METTL5: variants seen among roughly 807,000 people sequenced by gnomAD.
METTL5 encodes the protein methyltransferase 5, N6-adenosine.
Under a neutral mutation model 26.5 loss-of-function variants are expected in METTL5, and 28 were observed. That is an observed-to-expected ratio of 1.06 (90% CI 0.78 to 1.45). The LOEUF is 1.45. Ranked by LOEUF, METTL5 falls within the 40% of genes most tolerant of loss-of-function variation. The probability of loss-of-function intolerance (pLI) is 0.00; values close to 1 mark genes in which losing one functional copy is unlikely to be tolerated. For missense variants in METTL5, 231 were observed against 249.9 expected (o/e 0.92, Z 0.51); for synonymous variants, 86 against 82.6 (o/e 1.04, Z -0.22).
At chr2:169,818,887 C>T (rs1029809033) in intron 4 of METTL5, among the ~76,000 whole-genome samples, 2 of 152,120 alleles carry the variant, frequency 1.3e-5, no homozygotes, top group Non-Finnish European at 1.5e-5. Flanking sequence ...ACTTAGAGTA[C>T]AGGTGAGGAT....
chr2:169,821,558 G>C (rs149418795), intron 2 of METTL5, among the ~76,000 whole-genome samples: 25 of 152,032 alleles, frequency 1.6e-4, no homozygotes, highest in African/African-American at 5.5e-4. Flanking sequence ...GCTAATTTTT[G>C]TATTTTTTGT....
chr2:169,814,914 A>T (rs1690095340), intron 5 of METTL5, among the ~76,000 whole-genome samples: 1 of 144,774 alleles, frequency 6.9e-6, no homozygotes, highest in Non-Finnish European at 1.5e-5. Context: ...TTTTTTTGAG[A>T]CTGAGTCTCC....
chr2:169,821,383 G>A, intron 2 of METTL5, 110 bp from the exon 3 acceptor site: 1 of 770,286 alleles, frequency 1.3e-6, no homozygotes, highest in Non-Finnish European at 2.0e-6. Flanking sequence ...AACCCAATTA[G>A]CAAAGTAAGA....
At chr2:169,822,110 A>G in intron 1 of METTL5, 53 bp from the exon 2 acceptor site, 4 of 1,564,016 alleles carry the variant, frequency 2.6e-6, no homozygotes, top group Non-Finnish European at 2.6e-6. Flanking sequence ...CTAAAATCTA[A>G]TTTGTGCAAA....
At position 169,819,554 on chromosome 2, in the gene METTL5, AACTT is replaced by A. The variant is rs2081555979; in HGVS notation, c.489+3_489+6del. On this transcript the variant is annotated splice_donor_5th_base_variant and intron_variant, in intron 4 of 6. Transcript: ENST00000260953. ...ATGCCACAGAATATCAGATGATTTG[AACTT>A]ACTTCTCTAGTTGAGGATTTGTGTA... 6.3e-7 allele frequency: 1 copy of A among 1,595,528 alleles called. No homozygotes were observed. The highest frequency in any genetic ancestry group is 1.1e-5 in the South Asian group (1 of 90,062).
intron 4 of METTL5, among the ~76,000 whole-genome samples, chr2:169,816,172 T>C (rs1210686653): frequency 1.3e-5 from 2 of 152,234 alleles, no homozygotes; most frequent in Non-Finnish European, 2.9e-5. Context: ...CATTATTTCA[T>C]TGATATATAC....
At chr2:169,817,176 T>C (rs2081520595) in intron 4 of METTL5, among the ~76,000 whole-genome samples, 1 of 151,764 alleles carries the variant, frequency 6.6e-6, no homozygotes. Flanking sequence ...AACAGACATA[T>C]GAAAAAATGC....
chr2:169,820,453 C>A (rs1478292514), intron 3 of METTL5, among the ~76,000 whole-genome samples: 1 of 152,142 alleles, frequency 6.6e-6, no homozygotes, highest in Non-Finnish European at 1.5e-5. Context: ...AAGGGTTAGG[C>A]AAATTATTCC....
intron 3 of METTL5, among the ~76,000 whole-genome samples, chr2:169,819,981 T>TG (rs202110846): frequency 0.063 from 9,505 of 151,728 alleles, 426 homozygotes; most frequent in African/African-American, 0.13. Flanking sequence ...TTTTTTTTTT[T>TG]TGTTTCGCTC....
intron 4 of METTL5, among the ~76,000 whole-genome samples, chr2:169,818,846 T>C (rs892838802): frequency 2.8e-4 from 42 of 152,204 alleles, no homozygotes; most frequent in Admixed American, 1.3e-4. Context: ...ACAATTCTTA[T>C]GAAGTACAAT....
chr2:169,812,395 C>T, intron 6 of METTL5, 62 bp downstream of exon 6: 1 of 1,612,848 alleles, frequency 6.2e-7, no homozygotes, highest in Non-Finnish European at 8.5e-7. Context: ...CATGAACCAC[C>T]ACATCCGGCC....
In METTL5 at chr2:169,824,790, T is replaced by C; in HGVS notation, c.-193A>G. On this transcript the variant is annotated 5_prime_UTR_variant, in exon 1 of 7. Transcript: ENST00000260953. ...GCGAGCCTCTGACCCACCTCCCGGC[T>C]AACCCAAGCCGCCCCAGGAGACGGC... 1 of 516,516 alleles carries C rather than the reference T, an allele frequency of 1.9e-6. No individual in the cohort carries two copies. Among genetic ancestry groups the C allele is most frequent in the South Asian group, 2.3e-5 (1 of 43,310 alleles). 32.0% of individuals were successfully genotyped at this position (516,516 alleles called of 1,614,324 possible).
At chr2:169,822,209 A>G (rs1233698980) in intron 1 of METTL5, 152 bp from the exon 2 acceptor site, 2 of 1,136,632 alleles carry the variant, frequency 1.8e-6, no homozygotes, top group Non-Finnish European at 1.2e-6. Context: ...ATAAGGGGTA[A>G]TGATTTGGTA....
At position 169,815,534 on chromosome 2, in the gene METTL5, CATAA is replaced by C. The variant is rs1441676116; in HGVS notation, c.490-10_490-7del. On this transcript the variant is annotated splice_polypyrimidine_tract_variant and splice_region_variant and intron_variant, in intron 4 of 6. Coordinates refer to ENST00000260953, the MANE Select transcript of METTL5 (RefSeq NM_014168.4). The stretch of plus-strand genomic sequence containing the variant: ...GCAGCTTTCTTTTGAACATGCTGAA[CATAA>C]ATAATATGTTGTTATGAGCTGATTT... 6.3e-7 allele frequency: 1 copy of C among 1,591,996 alleles called. No homozygotes were observed. Among genetic ancestry groups the C allele is most frequent in the Non-Finnish European group, 8.6e-7 (1 of 1,164,092 alleles).
intron 2 of METTL5, 72 bp from the exon 3 acceptor site, chr2:169,821,345 G>GTTTT: frequency 1.2e-6 from 1 of 836,680 alleles, no homozygotes; most frequent in Non-Finnish European, 1.8e-6. Flanking sequence ...AAAATTAGCT[G>GTTTT]TTTTTTTTTT....
Position 169,821,283 on chromosome 2 carries a change from CA to C in METTL5, c.225-11del, listed in dbSNP as rs1236034555. On this transcript the variant is annotated splice_polypyrimidine_tract_variant and intron_variant, in intron 2 of 6. Transcript: ENST00000260953. ...AAATCCAACACACAACCTATAAATA[CA>C]AAACACATACAAAGAGTGGCGACTT... 4 of 1,573,532 alleles carry C rather than the reference CA, an allele frequency of 2.5e-6. No homozygotes were observed. The highest frequency in any genetic ancestry group is 1.4e-5 in the African/African-American group (1 of 72,782).
chr2:169,814,481 A>AAAAAAAAAAAAAAG (rs71006042), intron 5 of METTL5, among the ~76,000 whole-genome samples: 1 of 131,844 alleles, frequency 7.6e-6, no homozygotes, highest in Non-Finnish European at 1.6e-5. Flanking sequence ...AAAAAAAAAA[A>AAAAAAAAAAAAAAG]GAAAAAAGAA....
At position 169,812,503 on chromosome 2, in the gene METTL5, A is replaced by C. The variant is rs747066001; in HGVS notation, c.545T>G (p.Leu182Arg). The C allele has an allele frequency of 3.7e-6, 6 of 1,613,604 alleles. No homozygotes were observed. Among genetic ancestry groups the C allele is most frequent in the Non-Finnish European group, 5.1e-6 (6 of 1,179,862 alleles). Residue 182 changes from leucine (L) to arginine (R), a missense_variant, in exon 6 of 7, where the codon CTT becomes CGT. Physicochemically the swap from Leu to Arg is moderately radical, Grantham distance 102. Coordinates refer to ENST00000260953, the MANE Select transcript of METTL5 (RefSeq NM_014168.4). ...GTATGATGCTGGCAGGTCATATCGA[A>C]GTTCTGTAAAACAAAAGCCACCTAA... ...WKIKIDIIAE[L>R]RYDLPASYKF...
chr2:169,814,414 G>C (rs1690076218), intron 5 of METTL5, among the ~76,000 whole-genome samples: 2 of 122,678 alleles, frequency 1.6e-5, no homozygotes, highest in East Asian at 5.5e-4. Flanking sequence ...TTGAACCCGG[G>C]AGGTGGAGGT....
Sources: gnomAD v4.1 joint callset for allele counts (sites outside exome capture counted in the v4.1 genomes callset) on GRCh38, gnomAD v4.1.1 for gene constraint, MANE v1.5 for transcripts, NCBI Gene and HGNC (gene_info 2026-07-23, HGNC 2026-07-21) for gene names.